Variants in SMYD3 observed in about 807,000 individuals in gnomAD.
The protein encoded by SMYD3 is SET and MYND domain containing 3, also known as histone-lysine N-methyltransferase SMYD3.
In SMYD3, 36 loss-of-function variants were observed where a neutral mutation model predicts 57.7. The ratio of observed to expected loss-of-function variants is 0.62; its 90% CI spans 0.48 to 0.82. The LOEUF is 0.82. Ranked by LOEUF, SMYD3 falls within the 40% of genes least tolerant of loss-of-function variation. The pLI is 0.00. For synonymous variants in SMYD3, 211 were observed against 195.0 expected, an observed-to-expected ratio of 1.08 and a Z score of -0.68; for missense variants, 515 against 538.8, an observed-to-expected ratio of 0.96 and a Z score of 0.44.
intron 5 of SMYD3, among the ~76,000 whole-genome samples, chr1:245,961,238 T>C (rs563446997): frequency 7.2e-5 from 11 of 152,220 alleles, no homozygotes; most frequent in African/African-American, 2.6e-4. Flanking sequence ...AGAAACAGGG[T>C]CAACCCTCAT....
intron 5 of SMYD3, among the ~76,000 whole-genome samples, chr1:246,201,742 G>A (rs1344687319): frequency 1.3e-5 from 2 of 152,194 alleles, no homozygotes; most frequent in African/African-American, 2.4e-5. Context: ...GCCAGGCGCG[G>A]TGGCTCACGC....
chr1:245,944,553 T>C (rs757851496), intron 5 of SMYD3, among the ~76,000 whole-genome samples: 9 of 152,158 alleles, frequency 5.9e-5, no homozygotes, highest in Non-Finnish European at 1.2e-4. Context: ...ATTATGAAAA[T>C]AGCCATACTG....
At chr1:246,046,584 C>G (rs1306549114) in intron 5 of SMYD3, among the ~76,000 whole-genome samples, 1 of 150,748 alleles carries the variant, frequency 6.6e-6, no homozygotes, top group African/African-American at 2.4e-5. Flanking sequence ...TGTAACAAAC[C>G]TGCACGTTGT....
chr1:245,781,829 C>T (rs989934396), intron 10 of SMYD3, among the ~76,000 whole-genome samples: 6 of 152,022 alleles, frequency 3.9e-5, no homozygotes, highest in African/African-American at 1.5e-4. Flanking sequence ...TTTAGCTGAG[C>T]GTGGTGGCAT....
At chr1:246,232,942 G>A (rs1463184773) in intron 5 of SMYD3, among the ~76,000 whole-genome samples, 45 of 133,140 alleles carry the variant, frequency 3.4e-4, no homozygotes, top group South Asian at 1.2e-3. Flanking sequence ...ATACCACACA[G>A]AGGAGAAGCA....
At chr1:246,128,149 T>G (rs76055215) in intron 5 of SMYD3, among the ~76,000 whole-genome samples, 11,800 of 152,176 alleles carry the variant, frequency 0.078, 906 homozygotes, top group South Asian at 0.18. Context: ...TCCAAGTCAC[T>G]GTTGAAATGT....
At position 245,813,016 on chromosome 1, in the gene SMYD3, T is replaced by TC. The variant is rs1406651304; in HGVS notation, c.1076+45479_1076+45480insG. 3.6e-5 allele frequency among the ~76,000 whole-genome samples: 4 copies of TC among 112,162 alleles called. 1 individual carries two copies. Among genetic ancestry groups the TC allele is most frequent in the African/African-American group, 1.4e-4 (4 of 29,434 alleles). The allele number at this position is 112,162 out of a possible 152,430, so 73.6% of individuals were successfully genotyped here. A position where few individuals can be genotyped will look rare whatever the true frequency, so the allele number is the denominator to read the frequency against. Reference sequence around the variant, plus strand: ...TCATGAGACAGCTTCTTTTTTTTTTTTTTTTTTTTTTTTTTTGAGACGGAG... The same window carrying TC: ...TCATGAGACAGCTTCTTTTTTTTTTTCTTTTTTTTTTTTTTTTGAGACGGAG... On this transcript the variant is annotated intron_variant, in intron 10 of 11. Transcript: ENST00000490107.
intron 11 of SMYD3, 80 bp downstream of exon 11, chr1:245,763,961 C>T (rs566516115): frequency 4.9e-5 from 52 of 1,066,508 alleles, no homozygotes; most frequent in Non-Finnish European, 6.4e-5. Flanking sequence ...CATAGAGCTG[C>T]TAACAAATCA....
chr1:246,094,690 A>G (rs1273556719), intron 5 of SMYD3, among the ~76,000 whole-genome samples: 1 of 152,230 alleles, frequency 6.6e-6, no homozygotes, highest in African/African-American at 2.4e-5. Context: ...CAAAACGCAC[A>G]GGATCACTCC....
intron 5 of SMYD3, among the ~76,000 whole-genome samples, chr1:245,996,986 C>T (rs2058943043): frequency 1.3e-5 from 2 of 152,346 alleles, no homozygotes; most frequent in South Asian, 2.1e-4. Flanking sequence ...ACTGAGGCGA[C>T]GTCGCTGGTG....
intron 7 of SMYD3, among the ~76,000 whole-genome samples, chr1:245,925,750 C>T (rs371643787): frequency 2.6e-5 from 4 of 152,112 alleles, no homozygotes; most frequent in African/African-American, 7.2e-5. Context: ...AAATAAGACA[C>T]GATTGTCTGT....
At chr1:246,262,388 C>T (rs945990391) in intron 5 of SMYD3, among the ~76,000 whole-genome samples, 3 of 152,192 alleles carry the variant, frequency 2.0e-5, no homozygotes, top group African/African-American at 7.2e-5. Context: ...AATTATTAAA[C>T]ATCTAATATG....
At chr1:246,458,750 G>C (rs2067746001) in intron 1 of SMYD3, among the ~76,000 whole-genome samples, 1 of 150,612 alleles carries the variant, frequency 6.6e-6, no homozygotes, top group Non-Finnish European at 1.5e-5. Context: ...ACAGGCGTGA[G>C]CCACCGCGCC....
At chr1:246,066,461 A>C (rs146598761) in intron 5 of SMYD3, among the ~76,000 whole-genome samples, 32 of 152,112 alleles carry the variant, frequency 2.1e-4, no homozygotes, top group African/African-American at 6.8e-4. Flanking sequence ...TTTTTTACAA[A>C]CAGTGAAAAG....
intron 1 of SMYD3, among the ~76,000 whole-genome samples, chr1:246,386,044 A>C (rs1479654366): frequency 6.6e-6 from 1 of 151,876 alleles, no homozygotes; most frequent in African/African-American, 2.4e-5. Context: ...ACCTGCCACC[A>C]CGCCCAGCTA....
chr1:245,772,602 G>A (rs2046382746), intron 10 of SMYD3, among the ~76,000 whole-genome samples: 1 of 152,190 alleles, frequency 6.6e-6, no homozygotes, highest in Non-Finnish European at 1.5e-5. Context: ...GTTTGAGGCT[G>A]TAGTGAGCTA....
chr1:246,341,637 T>C (rs985060845), intron 2 of SMYD3, among the ~76,000 whole-genome samples: 3 of 152,206 alleles, frequency 2.0e-5, no homozygotes, highest in Non-Finnish European at 2.9e-5. Flanking sequence ...ATGGTCTTGA[T>C]TACATGATTA....
At chr1:245,887,483 C>T (rs531042800) in intron 8 of SMYD3, among the ~76,000 whole-genome samples, 18 of 152,234 alleles carry the variant, frequency 1.2e-4, no homozygotes, top group Admixed American at 2.0e-4. Context: ...TTGGACTCGC[C>T]CTGAATTCTT....
intron 5 of SMYD3, among the ~76,000 whole-genome samples, chr1:245,969,995 T>TA (rs1336998575): frequency 1.3e-5 from 2 of 152,120 alleles, no homozygotes; most frequent in Non-Finnish European, 2.9e-5. Context: ...AAAGAGCCCA[T>TA]ATAGCTAAGA....
Sources: allele counts gnomAD v4.1 joint callset (sites outside exome capture counted in the v4.1 genomes callset), GRCh38; gene constraint gnomAD v4.1.1; transcripts MANE v1.5; gene names NCBI Gene and HGNC (gene_info 2026-07-23, HGNC 2026-07-21).